HMCN1: variants seen among roughly 807,000 people sequenced by gnomAD.
HMCN1 encodes hemicentin-1.
A neutral mutation model predicts 625.9 loss-of-function variants in HMCN1; 321 were observed. The observed-to-expected ratio is 0.51, with a 90% CI of 0.47 to 0.56. The LOEUF (loss-of-function observed/expected upper bound fraction) is 0.56. Ranked by LOEUF, HMCN1 falls within the 20% of genes least tolerant of loss-of-function variation. The pLI, the probability that HMCN1 is intolerant of heterozygous loss-of-function variation, is 0.00. For synonymous variants in HMCN1, 2,425 were observed against 2,417.6 expected, an observed-to-expected ratio of 1.00 and a Z score of -0.09; for missense variants, 6,588 against 6,887.3, an observed-to-expected ratio of 0.96 and a Z score of 1.54.
In HMCN1 at chr1:186,144,515, C is replaced by A; in HGVS notation, c.14096-18C>A. 1 of 1,614,000 alleles carries A rather than the reference C, an allele frequency of 6.2e-7. No individual in the cohort carries two copies. The highest frequency in any genetic ancestry group is 8.5e-7 in the Non-Finnish European group (1 of 1,179,948). On this transcript the variant is annotated intron_variant, in intron 90 of 106. Transcript: ENST00000271588. ...TCCTAGGTAGTAAGAAAGCATGTAC[C>A]TTTTTCCCTTATTCCAGTTCATGGC...
chr1:186,127,182 A>T (rs1661690128), intron 82 of HMCN1, among the ~76,000 whole-genome samples: 1 of 152,136 alleles, frequency 6.6e-6, no homozygotes, highest in South Asian at 2.1e-4. Context: ...GGAAGGGGCC[A>T]TTGGAAGGAA....
In HMCN1 at chr1:185,780,982, C is replaced by CT. The variant is rs1557962874; in HGVS notation, c.268+45942dup. On this transcript the variant is annotated intron_variant, in intron 1 of 106. Transcript: ENST00000271588. ...AGCTGTGAATCCACCTGGTCCTGGA[C>CT]TTTTTTTGGTTGATAGGCTATTAAT... 2.6e-5 allele frequency among the ~76,000 whole-genome samples: 4 copies of CT among 152,158 alleles called. No homozygotes were observed. The South Asian group carries it at 8.3e-4, about 32-fold the overall frequency.
At chr1:185,822,537 C>G (rs537779161) in intron 1 of HMCN1, among the ~76,000 whole-genome samples, 3 of 152,256 alleles carry the variant, frequency 2.0e-5, no homozygotes, top group Non-Finnish European at 4.4e-5. Flanking sequence ...TAAATCAACT[C>G]CTTCCTCACA....
intron 15 of HMCN1, among the ~76,000 whole-genome samples, chr1:185,976,460 A>C (rs1301792320): frequency 1.3e-5 from 2 of 152,154 alleles, no homozygotes; most frequent in Non-Finnish European, 2.9e-5. Context: ...ACTGTACATC[A>C]ACTCCAGAAT....
chr1:186,129,986 G>A lies in HMCN1; in HGVS notation c.12925G>A (p.Gly4309Arg). 6.2e-7 allele frequency: 1 copy of A among 1,613,010 alleles called. No individual in the cohort carries two copies. The highest frequency in any genetic ancestry group is 1.3e-5 in the African/African-American group (1 of 74,960). The part of the protein sequence containing the change: ...IIPAHFDSVN[G>R]HSELVIERVS... The stretch of plus-strand genomic sequence containing the variant: ...CTCAGCCCACTTTGACAGTGTGAAT[G>A]GACACAGTGAACTTGTTATTGAAAG... Residue 4309 changes from glycine to arginine, a missense_variant, in exon 84 of 107, where the codon GGA (glycine) becomes AGA (arginine). This residue lies in a region of HMCN1 where 1,954 missense variants were observed against 2,013.1 expected (regional missense o/e 0.97). Transcript: ENST00000271588.
At chr1:185,899,658 C>T (rs1177334329) in intron 4 of HMCN1, among the ~76,000 whole-genome samples, 1 of 151,938 alleles carries the variant, frequency 6.6e-6, no homozygotes, top group East Asian at 1.9e-4. Context: ...CTCTGTTGCC[C>T]TCCAGTTGGA....
chr1:186,055,671 C>T lies in HMCN1; in HGVS notation c.7141C>T (p.His2381Tyr), dbSNP rs751323500. 11 of 1,612,184 alleles carry T rather than the reference C, an allele frequency of 6.8e-6. No homozygotes were observed. In the African/African-American group the frequency reaches 1.2e-4, roughly 18 times the overall value. Reference protein sequence around the residue: ...MTDKKYDLSVHAPPSIIGNHR... With the variant: ...MTDKKYDLSVYAPPSIIGNHR... Reference sequence around the variant, plus strand: ...TGACAAAAAATATGACTTAAGTGTCCATGGTAAGTAGAAAGAGGCTCAATA... The same window carrying T: ...TGACAAAAAATATGACTTAAGTGTCTATGGTAAGTAGAAAGAGGCTCAATA... The change falls in exon 45 of 107, where the codon CAT becomes TAT. Residue 2381 changes from histidine (H) to tyrosine (Y), a missense_variant. By Grantham distance (83) the His-to-Tyr change is moderately conservative. Around this residue, in one of 3 missense-constraint regions of HMCN1, gnomAD observed 4,628 missense variants for 4,853.1 expected, o/e 0.95. Coordinates refer to ENST00000271588, the MANE Select transcript of HMCN1 (RefSeq NM_031935.3).
intron 40 of HMCN1, among the ~76,000 whole-genome samples, chr1:186,043,834 C>G (rs1056277233): frequency 1.3e-5 from 2 of 152,006 alleles, no homozygotes; most frequent in African/African-American, 2.4e-5. Context: ...CTTTGGGAGG[C>G]CGAGGTGGGT....
At chr1:186,061,642 T>G (rs1657710527) in intron 46 of HMCN1, among the ~76,000 whole-genome samples, 1 of 152,202 alleles carries the variant, frequency 6.6e-6, no homozygotes, top group African/African-American at 2.4e-5. Context: ...TATTTATTTT[T>G]TTATCTATTG....
At chr1:186,037,679 T>A (rs1261165347) in intron 36 of HMCN1, among the ~76,000 whole-genome samples, 1 of 152,182 alleles carries the variant, frequency 6.6e-6, no homozygotes, top group Non-Finnish European at 1.5e-5. Flanking sequence ...TTTTTTTTAC[T>A]CCTCTACTAA....
intron 1 of HMCN1, among the ~76,000 whole-genome samples, chr1:185,783,192 T>C (rs2102179872): frequency 6.6e-6 from 1 of 152,334 alleles, no homozygotes; most frequent in Middle Eastern, 3.4e-3. Flanking sequence ...GGTTTTCAGC[T>C]CCATCAGGTC....
Position 186,067,954 on chromosome 1 carries a change from G to A in HMCN1, c.7826G>A (p.Trp2609Ter), listed in dbSNP as rs1330531710. Residue 2609 changes from tryptophan (W) to a stop codon, truncating the protein, a stop_gained, in exon 50 of 107, where the codon TGG becomes TAG. Transcript: ENST00000271588. LOFTEE classifies it high-confidence loss of function. The part of the protein sequence containing the change: ...AYSYPPATIT[W>*]FKDGTPLESN... ...TCATATCCTCCAGCTACCATCACCT[G>A]GTTTAAGGATGGCACTCCTTTAGAA... 6.2e-7 allele frequency: 1 copy of A among 1,613,666 alleles called. No individual in the cohort carries two copies. Among genetic ancestry groups the A allele is most frequent in the East Asian group, 2.2e-5 (1 of 44,842 alleles).
intron 12 of HMCN1, among the ~76,000 whole-genome samples, chr1:185,962,882 C>A (rs1650131249): frequency 1.3e-5 from 2 of 152,104 alleles, no homozygotes; most frequent in Admixed American, 1.3e-4. Context: ...GGACCAAGTG[C>A]TTCCCAGTAC....
chr1:185,940,228 T>G (rs1668013202), intron 11 of HMCN1, among the ~76,000 whole-genome samples: 3 of 152,202 alleles, frequency 2.0e-5, no homozygotes, highest in African/African-American at 7.2e-5. Context: ...ATATATTATC[T>G]TAACAGTAAG....
At chr1:185,879,594 T>C (rs551499578) in intron 4 of HMCN1, among the ~76,000 whole-genome samples, 4 of 152,338 alleles carry the variant, frequency 2.6e-5, no homozygotes, top group African/African-American at 9.6e-5. Context: ...CTACTTACTA[T>C]GTGTTAGACT....
intron 11 of HMCN1, among the ~76,000 whole-genome samples, chr1:185,934,646 G>T (rs1031530731): frequency 7.2e-5 from 11 of 152,190 alleles, no homozygotes; most frequent in Non-Finnish European, 1.3e-4. Context: ...AAGCTGAAAG[G>T]TTCAGTTGCT....
At chr1:185,819,670 T>A (rs1660066614) in intron 1 of HMCN1, among the ~76,000 whole-genome samples, 2 of 152,198 alleles carry the variant, frequency 1.3e-5, no homozygotes, top group African/African-American at 2.4e-5. Flanking sequence ...TTCTTCAATA[T>A]TTTACTTAAA....
chr1:186,095,103 C>T, intron 67 of HMCN1, 140 bp from the exon 68 acceptor site: 1 of 788,136 alleles, frequency 1.3e-6, no homozygotes, highest in Admixed American at 2.2e-5. Context: ...ATTGTAAAGT[C>T]CTTAGTTATT....
At chr1:185,997,343 C>G in intron 24 of HMCN1, 86 bp from the exon 25 acceptor site, 1 of 811,712 alleles carries the variant, frequency 1.2e-6, no homozygotes, top group Non-Finnish European at 2.2e-6. Context: ...GATAGCAACT[C>G]ATCAGTGCAG....
Sources: gnomAD v4.1 joint callset for allele counts (sites outside exome capture counted in the v4.1 genomes callset) on GRCh38, gnomAD v4.1.1 for gene constraint, gnomAD v4.1.1 regional missense constraint, MANE v1.5 for transcripts, NCBI Gene and HGNC (gene_info 2026-07-23, HGNC 2026-07-21) for gene names.